Variants in CRACR2A observed in about 807,000 individuals in gnomAD.
The protein encoded by CRACR2A is calcium release activated channel regulator 2A.
A neutral mutation model predicts 90.5 loss-of-function variants in CRACR2A; 79 were observed. The ratio of observed to expected loss-of-function variants is 0.87; its 90% CI spans 0.73 to 1.05. The LOEUF is 1.05. Among genes scored for constraint, CRACR2A ranks in the 50% least tolerant of loss-of-function variants. The pLI is 0.00. For synonymous variants in CRACR2A, 338 were observed against 356.7 expected (o/e 0.95, Z 0.59); for missense variants, 823 against 897.2 (o/e 0.92, Z 1.06).
intron 1 of CRACR2A, among the ~76,000 whole-genome samples, chr12:3,751,004 C>T (rs115782599): frequency 6.6e-6 from 1 of 152,226 alleles, no homozygotes; most frequent in African/African-American, 2.4e-5. Flanking sequence ...TCGCCATCAT[C>T]TTGGTCTCTT....
At chr12:3,744,359 G>A (rs1262338442) in intron 1 of CRACR2A, among the ~76,000 whole-genome samples, 2 of 152,212 alleles carry the variant, frequency 1.3e-5, no homozygotes, top group African/African-American at 4.8e-5. Flanking sequence ...TACAAACCCA[G>A]ATCCGTGCAG....
chr12:3,750,416 G>A (rs1384721851), intron 1 of CRACR2A, among the ~76,000 whole-genome samples: 1 of 152,162 alleles, frequency 6.6e-6, no homozygotes. Context: ...GTAAAATAGG[G>A]CAGACTTGTC....
intron 4 of CRACR2A, among the ~76,000 whole-genome samples, chr12:3,696,431 T>C (rs916028250): frequency 6.6e-6 from 1 of 152,228 alleles, no homozygotes; most frequent in Admixed American, 6.5e-5. Flanking sequence ...GGAACGACTT[T>C]GTTATAACTC....
intron 3 of CRACR2A, among the ~76,000 whole-genome samples, chr12:3,705,882 G>A (rs556966857): frequency 1.3e-5 from 2 of 152,180 alleles, no homozygotes; most frequent in South Asian, 2.1e-4. Context: ...TTGGTGTAGG[G>A]GGCATCCCTA....
chr12:3,732,286 C>G (rs1946371601), intron 2 of CRACR2A: 1 of 152,204 alleles, frequency 6.6e-6, no homozygotes, highest in Non-Finnish European at 1.5e-5. Flanking sequence ...TTACTACCCT[C>G]AAGGAGTTGA....
chr12:3,656,457 G>A, intron 8 of CRACR2A, 51 bp from the exon 9 acceptor site: 2 of 1,574,254 alleles, frequency 1.3e-6, no homozygotes, highest in Non-Finnish European at 1.7e-6. Context: ...GCACACCCGG[G>A]TTATAGATTT....
chr12:3,701,006 T>C (rs1384737468), intron 3 of CRACR2A, among the ~76,000 whole-genome samples: 3 of 152,198 alleles, frequency 2.0e-5, no homozygotes, highest in Non-Finnish European at 2.9e-5. Context: ...GTACAAAGTA[T>C]GTACTCTGAC....
At chr12:3,678,062 A>G (rs1049085870) in intron 6 of CRACR2A, among the ~76,000 whole-genome samples, 3 of 152,132 alleles carry the variant, frequency 2.0e-5, no homozygotes, top group Non-Finnish European at 4.4e-5. Flanking sequence ...TTCCCACACT[A>G]CAGGAAACAT....
intron 18 of CRACR2A, among the ~76,000 whole-genome samples, chr12:3,618,789 G>C (rs1040891042): frequency 6.6e-6 from 1 of 152,148 alleles, no homozygotes; most frequent in Admixed American, 6.5e-5. Context: ...GCTTTTTAAT[G>C]GTAGGTTTTC....
At chr12:3,737,773 G>C (rs986147544) in intron 1 of CRACR2A, among the ~76,000 whole-genome samples, 19 of 152,220 alleles carry the variant, frequency 1.2e-4, no homozygotes, top group Non-Finnish European at 2.8e-4. Context: ...ACTCCCACAA[G>C]GCCACTGGGA....
At position 3,638,431 on chromosome 12, in the gene CRACR2A, A is replaced by ACCT. The variant is rs750935423; in HGVS notation, c.1292_1294dup (p.Glu431dup). 17 of 1,543,964 alleles carry ACCT rather than the reference A, an allele frequency of 1.1e-5. No individual in the cohort carries two copies. The South Asian group carries it at 1.4e-4, about 13-fold the overall frequency. On this transcript the variant is annotated inframe_insertion, in exon 14 of 20. Transcript: ENST00000440314. ...GGAGCTTCTCCTTGGGATGCCAAAC[A>ACCT]CCTCCTCCTCCTCCTCTGACTGGCT...
intron 1 of CRACR2A, among the ~76,000 whole-genome samples, chr12:3,740,351 C>T (rs1946505997): frequency 1.4e-5 from 2 of 147,034 alleles, no homozygotes; most frequent in South Asian, 2.1e-4. Context: ...TCCGGGGAAA[C>T]AGATAAAGTC....
chr12:3,628,180 TTTCTTTCTCTC>T (rs1944309688), intron 15 of CRACR2A, among the ~76,000 whole-genome samples: 3 of 147,544 alleles, frequency 2.0e-5, no homozygotes, highest in African/African-American at 7.5e-5. Context: ...TCTTTCTCTC[TTTCTTTCTCTC>T]TCTCTCTTTC....
At chr12:3,687,944 G>T (rs1282942048) in intron 4 of CRACR2A, among the ~76,000 whole-genome samples, 2 of 152,168 alleles carry the variant, frequency 1.3e-5, no homozygotes, top group South Asian at 4.1e-4. Context: ...AGTGATCAGT[G>T]ATGACCTTTT....
intron 4 of CRACR2A, among the ~76,000 whole-genome samples, chr12:3,687,980 A>G (rs545246774): frequency 6.6e-6 from 1 of 152,140 alleles, no homozygotes; most frequent in East Asian, 1.9e-4. Context: ...GGACACATGT[A>G]TGTCTTCTTT....
intron 3 of CRACR2A, among the ~76,000 whole-genome samples, chr12:3,706,255 A>G (rs1456205567): frequency 6.6e-6 from 1 of 152,190 alleles, no homozygotes; most frequent in Non-Finnish European, 1.5e-5. Context: ...AGGGACCCTG[A>G]TGGCGAGGAA....
chr12:3,672,784 A>G (rs962025627), intron 7 of CRACR2A: 29 of 985,298 alleles, frequency 2.9e-5, no homozygotes, highest in Non-Finnish European at 3.4e-5. Flanking sequence ...GCTGTGAGTG[A>G]GGAGGACTCT....
At chr12:3,642,050 A>G (rs1433895600) in intron 12 of CRACR2A, among the ~76,000 whole-genome samples, 2 of 152,120 alleles carry the variant, frequency 1.3e-5, no homozygotes, top group Non-Finnish European at 2.9e-5. Flanking sequence ...CAGTCAGCTA[A>G]TCAAATGAAC....
chr12:3,679,397 C>T lies in CRACR2A; in HGVS notation c.341-299G>A, dbSNP rs242015. On this transcript the variant is annotated intron_variant, in intron 5 of 19. Coordinates refer to ENST00000440314, the MANE Select transcript of CRACR2A (RefSeq NM_001144958.2). ...TAACATCTGGCTTAGAACGCATCTC[C>T]GTTGATTTCTTCTTTAAGCAACAAG... Among the ~76,000 whole-genome samples the T allele has an allele frequency of 3.8e-3, 579 of 152,268 alleles. 3 individuals are homozygous for T. Among genetic ancestry groups the T allele is most frequent in the African/African-American group, 0.013 (524 of 41,562 alleles).
Sources: gnomAD v4.1 joint callset for allele counts (sites outside exome capture counted in the v4.1 genomes callset) on GRCh38, gnomAD v4.1.1 for gene constraint, MANE v1.5 for transcripts, NCBI Gene and HGNC (gene_info 2026-07-23, HGNC 2026-07-21) for gene names.